Variants in NEDD4 observed in about 807,000 individuals in gnomAD.
The protein encoded by NEDD4 is NEDD4 E3 ubiquitin protein ligase.
In NEDD4, 99 loss-of-function variants were observed where a neutral mutation model predicts 144.9. The ratio of observed to expected loss-of-function variants is 0.68; its 90% CI spans 0.58 to 0.81. The LOEUF (loss-of-function observed/expected upper bound fraction) is 0.81, where lower values mean the gene tolerates loss of function less well. NEDD4 is among the 30% of genes least tolerant of loss of function. The probability of loss-of-function intolerance (pLI) is 0.00; values close to 1 mark genes in which losing one functional copy is unlikely to be tolerated. For synonymous variants in NEDD4, 318 were observed against 350.6 expected, an observed-to-expected ratio of 0.91 and a Z score of 1.04; for missense variants, 985 against 1,065.9, an observed-to-expected ratio of 0.92 and a Z score of 1.06.
intron 18 of NEDD4, among the ~76,000 whole-genome samples, chr15:55,845,169 T>C (rs551956901): frequency 2.6e-5 from 4 of 152,296 alleles, no homozygotes; most frequent in Admixed American, 2.6e-4. Flanking sequence ...TGACTTCATG[T>C]CTTTTAACCT....
intron 2 of NEDD4, among the ~76,000 whole-genome samples, chr15:55,961,611 C>T (rs1341511602): frequency 2.0e-5 from 3 of 152,226 alleles, no homozygotes; most frequent in Admixed American, 1.3e-4. Flanking sequence ...GCTGGGACTA[C>T]AGGAGCCCAC....
intron 7 of NEDD4, 120 bp from the exon 8 acceptor site, chr15:55,869,801 C>G (rs2034711633): frequency 3.3e-6 from 2 of 609,902 alleles, no homozygotes; most frequent in African/African-American, 1.9e-5. Context: ...GGTTCAAAGA[C>G]AAGTTCCAGG....
At chr15:55,857,450 T>C (rs1445600153) in intron 11 of NEDD4, among the ~76,000 whole-genome samples, 1 of 152,170 alleles carries the variant, frequency 6.6e-6, no homozygotes, top group Non-Finnish European at 1.5e-5. Flanking sequence ...TGCCTCAGCC[T>C]ACCGAGTAGC....
At chr15:55,955,573 T>C (rs919628861) in intron 2 of NEDD4, among the ~76,000 whole-genome samples, 2 of 152,204 alleles carry the variant, frequency 1.3e-5, no homozygotes, top group African/African-American at 4.8e-5. Context: ...TATCTGTCTT[T>C]CTGTGACTGT....
intron 5 of NEDD4, among the ~76,000 whole-genome samples, chr15:55,883,996 C>G (rs1339781346): frequency 6.6e-6 from 1 of 151,892 alleles, no homozygotes; most frequent in Non-Finnish European, 1.5e-5. Flanking sequence ...TCTCCTGCCT[C>G]AGCCTCCCAA....
intron 12 of NEDD4, 113 bp from the exon 13 acceptor site, chr15:55,852,656 T>A (rs1416401249): frequency 3.6e-5 from 23 of 645,106 alleles, no homozygotes; most frequent in Non-Finnish European, 5.2e-5. Context: ...CAACCACTCA[T>A]CTGCTCTGTT....
rs2033946198 is a variant in NEDD4 at position 55,850,608 on chromosome 15, C to T, written c.1281G>A (p.Trp427Ter). The change falls in exon 14 of 29, where the codon TGG (tryptophan) becomes TGA (stop). Residue 427 changes from tryptophan (W) to a stop codon, truncating the protein, a stop_gained. Coordinates refer to ENST00000435532, the MANE Select transcript of NEDD4 (RefSeq NM_006154.4). LOFTEE classifies it high-confidence loss of function. Reference protein sequence around the residue: ...EIEQGFLPKGWEVRHAPNGRP... With the variant: ...EIEQGFLPKG ...TCCCATTTGGTGCATGCCGGACTTC[C>T]CAGCCTTTAGGAAGGAATCCTTGCT... 6.2e-7 allele frequency: 1 copy of T among 1,614,004 alleles called. No individual in the cohort carries two copies. Among genetic ancestry groups the T allele is most frequent in the African/African-American group, 1.3e-5 (1 of 74,908 alleles).
At chr15:55,931,796 G>T (rs1336867248) in intron 4 of NEDD4, among the ~76,000 whole-genome samples, 1 of 152,150 alleles carries the variant, frequency 6.6e-6, no homozygotes, top group Admixed American at 6.5e-5. Flanking sequence ...TCCCTTTGAA[G>T]TATACAATTC....
At chr15:55,865,948 T>G (rs1264964397) in intron 8 of NEDD4, among the ~76,000 whole-genome samples, 1 of 152,078 alleles carries the variant, frequency 6.6e-6, no homozygotes, top group Non-Finnish European at 1.5e-5. Flanking sequence ...TTCTTCTCTC[T>G]CTCAACAGGG....
Position 55,889,440 on chromosome 15 carries a change from G to T in NEDD4, c.292-15432C>A, listed in dbSNP as rs568188975. ...TTGCAACAACTGGATAAAACTGAAG[G>T]TCATTATGTTAAGTGAAATAAGCAA... On this transcript the variant is annotated intron_variant, in intron 5 of 28. Coordinates refer to ENST00000435532, the MANE Select transcript of NEDD4 (RefSeq NM_006154.4). Among the ~76,000 whole-genome samples the T allele has an allele frequency of 9.2e-5, 14 of 152,262 alleles. No individual in the cohort carries two copies. The South Asian group carries it at 2.9e-3, about 32-fold the overall frequency.
At chr15:55,893,302 T>A (rs921682481) in intron 5 of NEDD4, among the ~76,000 whole-genome samples, 1 of 152,092 alleles carries the variant, frequency 6.6e-6, no homozygotes, top group East Asian at 1.9e-4. Context: ...ATAGATCATA[T>A]AATTCTAAAG....
intron 5 of NEDD4, among the ~76,000 whole-genome samples, chr15:55,923,694 C>A (rs16976654): frequency 0.13 from 20,007 of 148,954 alleles, 1,490 homozygotes; most frequent in East Asian, 0.32. Flanking sequence ...TGATAGTCTT[C>A]TTTGGCAGCA....
At chr15:55,924,848 G>A (rs1382500658) in intron 4 of NEDD4, 149 bp from the exon 5 acceptor site, 10 of 678,194 alleles carry the variant, frequency 1.5e-5, no homozygotes, top group Middle Eastern at 4.2e-4. Context: ...TGGGTGGATC[G>A]CCTGATGTCA....
chr15:55,955,681 T>C (rs1292727962), intron 2 of NEDD4, among the ~76,000 whole-genome samples: 1 of 152,100 alleles, frequency 6.6e-6, no homozygotes, highest in African/African-American at 2.4e-5. Flanking sequence ...GTATATACAT[T>C]TCTTTTTTTT....
intron 5 of NEDD4, among the ~76,000 whole-genome samples, chr15:55,912,986 A>G (rs2036323372): frequency 6.6e-6 from 1 of 152,136 alleles, no homozygotes; most frequent in Non-Finnish European, 1.5e-5. Flanking sequence ...AAAAGTTCTC[A>G]TTAGATTTAA....
chr15:55,989,522 A>T (rs1474311185), intron 1 of NEDD4, among the ~76,000 whole-genome samples: 1 of 152,176 alleles, frequency 6.6e-6, no homozygotes, highest in Non-Finnish European at 1.5e-5. Context: ...TGGGTCCAGA[A>T]GTATCAGAAT....
At chr15:55,895,515 G>A (rs2035710886) in intron 5 of NEDD4, among the ~76,000 whole-genome samples, 1 of 152,222 alleles carries the variant, frequency 6.6e-6, no homozygotes, top group Non-Finnish European at 1.5e-5. Flanking sequence ...TGTGGTAGCT[G>A]AGGAAAGCTG....
At chr15:55,916,343 G>A (rs1423898011) in intron 5 of NEDD4, 1 of 1,614,000 alleles carries the variant, frequency 6.2e-7, no homozygotes, top group East Asian at 2.2e-5. Flanking sequence ...TACCGTTGCT[G>A]CTGTAAGACC....
intron 19 of NEDD4, 112 bp downstream of exon 19, chr15:55,841,822 C>T (rs868051995): frequency 1.7e-5 from 14 of 812,688 alleles, no homozygotes; most frequent in East Asian, 7.9e-5. Flanking sequence ...CCGCCCGCCT[C>T]GGCCTCCCAA....
Sources: allele counts gnomAD v4.1 joint callset (sites outside exome capture counted in the v4.1 genomes callset), GRCh38; gene constraint gnomAD v4.1.1; transcripts MANE v1.5; gene names NCBI Gene and HGNC (gene_info 2026-07-23, HGNC 2026-07-21).